GRIN2B: variants seen among roughly 807,000 people sequenced by gnomAD.
GRIN2B encodes glutamate ionotropic receptor NMDA type subunit 2B, also known as glutamate receptor ionotropic, NMDA 2B.
A neutral mutation model predicts 114.5 loss-of-function variants in GRIN2B; 5 were observed. The observed-to-expected ratio is 0.04, with a 90% CI of 0.02 to 0.09. The LOEUF (loss-of-function observed/expected upper bound fraction) is 0.09. Among genes scored for constraint, GRIN2B ranks in the 10% least tolerant of loss-of-function variants. GRIN2B has a pLI of 1.00. For missense variants in GRIN2B, 1,108 were observed against 1,943.5 expected (o/e 0.57, Z 8.08); for synonymous variants, 787 against 745.1 (o/e 1.06, Z -0.92).
chr12:13,893,334 T>C (rs1248856623), intron 2 of GRIN2B, among the ~76,000 whole-genome samples: 1 of 151,958 alleles, frequency 6.6e-6, no homozygotes, highest in Admixed American at 6.6e-5. Flanking sequence ...AGAAGACAGA[T>C]AGTGGAGGGG....
intron 5 of GRIN2B, among the ~76,000 whole-genome samples, chr12:13,641,285 C>T (rs1949712989): frequency 6.6e-6 from 1 of 151,980 alleles, no homozygotes; most frequent in Non-Finnish European, 1.5e-5. Context: ...GTTGGCCAGG[C>T]TGGTTTTGAA....
At chr12:13,707,700 T>C (rs143551924) in intron 4 of GRIN2B, among the ~76,000 whole-genome samples, 39 of 152,114 alleles carry the variant, frequency 2.6e-4, no homozygotes, top group African/African-American at 8.9e-4. Flanking sequence ...GGGCTTGAGA[T>C]AGGTGGAGAA....
chr12:13,654,242 T>G (rs1159098188), intron 5 of GRIN2B, among the ~76,000 whole-genome samples: 1 of 152,098 alleles, frequency 6.6e-6, no homozygotes, highest in African/African-American at 2.4e-5. Flanking sequence ...AGAAGCTCAC[T>G]GCAGGGCCAG....
chr12:13,613,785 T>C (rs1165371762), intron 8 of GRIN2B, among the ~76,000 whole-genome samples: 1 of 152,164 alleles, frequency 6.6e-6, no homozygotes, highest in African/African-American at 2.4e-5. Context: ...TGGCACATTA[T>C]ATAGTAGGTG....
intron 13 of GRIN2B, among the ~76,000 whole-genome samples, chr12:13,566,060 A>G (rs1221990015): frequency 6.6e-6 from 1 of 152,204 alleles, no homozygotes; most frequent in Non-Finnish European, 1.5e-5. Context: ...AACATGGCTC[A>G]GGGATCATCA....
At chr12:13,970,974 G>A (rs982726468) in intron 2 of GRIN2B, among the ~76,000 whole-genome samples, 1 of 152,160 alleles carries the variant, frequency 6.6e-6, no homozygotes, top group Admixed American at 6.5e-5. Context: ...GAAGAACCAC[G>A]AATCACAAAG....
chr12:13,622,335 CAG>C (rs1446706124), intron 5 of GRIN2B, among the ~76,000 whole-genome samples: 1 of 152,132 alleles, frequency 6.6e-6, no homozygotes, highest in Admixed American at 6.5e-5. Context: ...AAGGAAGAGG[CAG>C]AGTCTCTGCA....
intron 10 of GRIN2B, among the ~76,000 whole-genome samples, chr12:13,574,956 A>G (rs1172932529): frequency 6.6e-6 from 1 of 152,230 alleles, no homozygotes. Context: ...CATTCAGTGG[A>G]GATAGGATGG....
chr12:13,947,268 T>C (rs1344720993), intron 2 of GRIN2B, among the ~76,000 whole-genome samples: 1 of 152,202 alleles, frequency 6.6e-6, no homozygotes, highest in East Asian at 1.9e-4. Flanking sequence ...TGCACGTATG[T>C]ATCCCCTCAC....
At chr12:13,872,992 T>G (rs1279973002) in intron 2 of GRIN2B, among the ~76,000 whole-genome samples, 1 of 152,154 alleles carries the variant, frequency 6.6e-6, no homozygotes, top group Non-Finnish European at 1.5e-5. Flanking sequence ...ATGCTATAAA[T>G]TTATTCTAAA....
At chr12:13,800,429 A>C (rs1237567396) in intron 3 of GRIN2B, among the ~76,000 whole-genome samples, 2 of 152,184 alleles carry the variant, frequency 1.3e-5, no homozygotes, top group Non-Finnish European at 2.9e-5. Context: ...GACATTATCC[A>C]AACTCCTGAC....
chr12:13,725,925 C>T (rs917134107), intron 4 of GRIN2B, among the ~76,000 whole-genome samples: 3 of 152,034 alleles, frequency 2.0e-5, no homozygotes, highest in African/African-American at 7.2e-5. Context: ...TTTCACCAGA[C>T]TGGAGTTTCT....
chr12:13,757,975 G>C (rs1246402777), intron 3 of GRIN2B, among the ~76,000 whole-genome samples: 1 of 152,222 alleles, frequency 6.6e-6, no homozygotes, highest in African/African-American at 2.4e-5. Flanking sequence ...TGCCCCAGCG[G>C]CTGGTAGTGC....
intron 5 of GRIN2B, among the ~76,000 whole-genome samples, chr12:13,626,177 T>C (rs1273488546): frequency 6.6e-6 from 1 of 152,192 alleles, no homozygotes; most frequent in East Asian, 1.9e-4. Context: ...ACAACAAAAC[T>C]GGGTCCCAAA....
intron 5 of GRIN2B, among the ~76,000 whole-genome samples, chr12:13,674,024 G>C (rs1390997381): frequency 6.6e-6 from 1 of 152,044 alleles, no homozygotes; most frequent in Non-Finnish European, 1.5e-5. Flanking sequence ...AACCATTTCT[G>C]AACAAATGAT....
chr12:13,947,085 CT>C (rs1018472645), intron 2 of GRIN2B, among the ~76,000 whole-genome samples: 18 of 152,168 alleles, frequency 1.2e-4, no homozygotes, highest in African/African-American at 2.9e-4. Context: ...AACTGATAAT[CT>C]GAACATTAAG....
At chr12:13,689,560 G>A (rs1950198067) in intron 4 of GRIN2B, among the ~76,000 whole-genome samples, 2 of 152,040 alleles carry the variant, frequency 1.3e-5, no homozygotes, top group Non-Finnish European at 2.9e-5. Context: ...CTCATACCCA[G>A]ATACTTGCAA....
At chr12:13,634,215 G>C (rs1410689166) in intron 5 of GRIN2B, 1 of 152,208 alleles carries the variant, frequency 6.6e-6, no homozygotes, top group African/African-American at 2.4e-5. Flanking sequence ...TACGGTAGGG[G>C]ATACACAGAT....
intron 4 of GRIN2B, among the ~76,000 whole-genome samples, chr12:13,726,254 G>T (rs1265082708): frequency 6.6e-6 from 1 of 151,790 alleles, no homozygotes; most frequent in Non-Finnish European, 1.5e-5. Flanking sequence ...AAAAAAAATT[G>T]TCGGGCACAT....
Sources: allele counts gnomAD v4.1 joint callset (sites outside exome capture counted in the v4.1 genomes callset), GRCh38; gene constraint gnomAD v4.1.1; transcripts MANE v1.5; gene names NCBI Gene and HGNC (gene_info 2026-07-23, HGNC 2026-07-21).